The following ZNF597 variants were observed in gnomAD, a reference collection of about 807,000 sequenced individuals.
ZNF597 encodes zinc finger protein 597.
In ZNF597, 5 loss-of-function variants were observed where a neutral mutation model predicts 7.3. The observed-to-expected ratio is 0.68, with a 90% CI of 0.36 to 1.44. ZNF597 has a LOEUF of 1.44. Ranked by LOEUF, ZNF597 falls within the 40% of genes most tolerant of loss-of-function variation. The pLI is 0.04. For missense variants in ZNF597, 585 were observed against 517.9 expected, an observed-to-expected ratio of 1.13 and a Z score of -1.26; for synonymous variants, 209 against 185.4, an observed-to-expected ratio of 1.13 and a Z score of -1.04.
intron 3 of ZNF597, among the ~76,000 whole-genome samples, chr16:3,438,978 T>G (rs144455308): frequency 2.0e-4 from 31 of 152,296 alleles, no homozygotes; most frequent in Middle Eastern, 6.8e-3. Context: ...TTGAGGGGAC[T>G]GAGTTCAGAG....
chr16:3,441,096 G>A (rs940587106), intron 2 of ZNF597, among the ~76,000 whole-genome samples, 163 bp from the exon 3 acceptor site: 15 of 152,224 alleles, frequency 9.9e-5, no homozygotes, highest in Non-Finnish European at 1.6e-4. Flanking sequence ...CTAAGGGGTG[G>A]GGTGAGGGTT....
At chr16:3,441,678 C>T (rs2034373973) in intron 2 of ZNF597, among the ~76,000 whole-genome samples, 1 of 150,678 alleles carries the variant, frequency 6.6e-6, no homozygotes, top group Admixed American at 6.6e-5. Flanking sequence ...AAGAGTAAAA[C>T]TCCGTCTCAA....
intron 2 of ZNF597, among the ~76,000 whole-genome samples, chr16:3,441,715 T>C (rs41471): frequency 0.88 from 134,001 of 151,826 alleles, 59,269 homozygotes; most frequent in African/African-American, 0.95. Flanking sequence ...GCTGAGATCG[T>C]GCCACTGCAC....
intron 1 of ZNF597, 63 bp from the exon 2 acceptor site, chr16:3,443,269 C>CTAGCCTCCCTCGA (rs2034421692): frequency 9.5e-7 from 1 of 1,051,352 alleles, no homozygotes; most frequent in East Asian, 2.6e-5. Context: ...TCCACTACCC[C>CTAGCCTCCCTCGA]TAGCCTCCCT....
chr16:3,440,832 C>T lies in ZNF597; in HGVS notation c.135G>A (p.Glu45=), dbSNP rs1401210253. ...CCATCAAAGCCGCATCCTCCAAAGA[C>T]TCTTTTGTACCATCTTTGCTGAGGG... ...QRSLSKDGTK[E]SLEDAALMGE... The change falls in exon 3 of 4, where the codon GAG becomes GAA. Residue 45 remains glutamate (E), a synonymous_variant. Transcript: ENST00000301744. 2 of 1,614,034 alleles carry T rather than the reference C, an allele frequency of 1.2e-6. No individual in the cohort carries two copies. Among genetic ancestry groups the T allele is most frequent in the Admixed American group, 1.7e-5 (1 of 60,014 alleles).
intron 3 of ZNF597, among the ~76,000 whole-genome samples, chr16:3,438,691 CA>C (rs1291990843): frequency 3.3e-5 from 5 of 152,102 alleles, no homozygotes; most frequent in Non-Finnish European, 7.4e-5. Flanking sequence ...GAGAACTCTC[CA>C]AAATCTCTTT....
chr16:3,443,232 A>C (rs1267916049), intron 1 of ZNF597, 26 bp from the exon 2 acceptor site: 20 of 1,466,470 alleles, frequency 1.4e-5, no homozygotes, highest in African/African-American at 5.6e-5. Context: ...ACAGTTCTTA[A>C]AGGGACCAAT....
rs1421751933 is a variant in ZNF597, at chr16:3,432,546, A to G, written c.*3878T>C. 3 of 152,232 alleles carry G rather than the reference A, an allele frequency of 2.0e-5. No homozygotes were observed. Among genetic ancestry groups the G allele is most frequent in the African/African-American group, 4.8e-5 (2 of 41,462 alleles). The allele number at this position is 152,232 out of a possible 1,614,324, so 9.4% of individuals were successfully genotyped here. On this transcript the variant is annotated 3_prime_UTR_variant, in exon 4 of 4. Transcript: ENST00000301744. ...AAAAGAGTAAGACCCAAAACATTGA[A>G]TAAACAGTATAAGTGTATACAATAA...
intron 3 of ZNF597, among the ~76,000 whole-genome samples, 161 bp downstream of exon 3, chr16:3,440,645 AT>A (rs2032690695): frequency 1.3e-5 from 2 of 151,904 alleles, no homozygotes; most frequent in Non-Finnish European, 2.9e-5. Flanking sequence ...AAAAAAAAAA[AT>A]CATCTCATAT....
chr16:3,432,556 T>A lies in ZNF597; in HGVS notation c.*3868A>T, dbSNP rs1486993032. ...GACCCAAAACATTGAATAAACAGTATAAGTGTATACAATAAATAGAATTCT... is the reference window on the plus strand; with the variant it reads ...GACCCAAAACATTGAATAAACAGTAAAAGTGTATACAATAAATAGAATTCT... On this transcript the variant is annotated 3_prime_UTR_variant, in exon 4 of 4. Transcript: ENST00000301744. 6.6e-6 allele frequency: 1 copy of A among 152,184 alleles called. No homozygotes were observed. Among genetic ancestry groups the A allele is most frequent in the African/African-American group, 2.4e-5 (1 of 41,446 alleles). 9.4% of individuals were successfully genotyped at this position (152,184 alleles called of 1,614,324 possible).
rs1163319873 is a variant in ZNF597, at chr16:3,443,381, C to T, written c.-75G>A. 2.2e-5 allele frequency: 12 copies of T among 554,220 alleles called. No individual in the cohort carries two copies. Among genetic ancestry groups the T allele is most frequent in the Non-Finnish European group, 1.3e-5 (4 of 319,414 alleles). The allele number at this position is 554,220 out of a possible 1,614,324, so 34.3% of individuals were successfully genotyped here. On this transcript the variant is annotated 5_prime_UTR_variant, in exon 1 of 4. Transcript: ENST00000301744. ...TTACCGCTCCGCGGTTAATAACAGGCCTCGCGCTCCCTGACAGGAGCTGCA... is the reference window on the plus strand; with the variant it reads ...TTACCGCTCCGCGGTTAATAACAGGTCTCGCGCTCCCTGACAGGAGCTGCA...
In ZNF597 at chr16:3,437,448, G is replaced by A. The variant is rs1311861208; in HGVS notation, c.251C>T (p.Ala84Val). The A allele has an allele frequency of 1.2e-6, 2 of 1,614,198 alleles. No homozygotes were observed. Among genetic ancestry groups the A allele is most frequent in the Non-Finnish European group, 8.5e-7 (1 of 1,180,042 alleles). The change falls in exon 4 of 4, where the codon GCA (alanine) becomes GTA (valine). Residue 84 changes from alanine (A) to valine (V), a missense_variant. Ala to Val is a moderately conservative substitution (Grantham distance 64). Transcript: ENST00000301744. ...ELALEKYPIA[A>V]PLVPYPEKSS... ...TTTTTCTGGGTAAGGGACAAGGGGT[G>A]CAGCAATGGGGTACTTTTCTAAGGC...
rs757943672 is a variant in ZNF597 at position 3,437,044 on chromosome 16, C to T, written c.655G>A (p.Ala219Thr). ...EKPYKCAKCS[A>T]SFRQHSHLSR... ...AGATGAGAGTGCTGGCGAAAGCTGG[C>T]ACTGCACTTGGCACACTTATAAGGT... The change falls in exon 4 of 4, where the codon GCC becomes ACC. Residue 219 changes from alanine (A) to threonine (T), a missense_variant. Transcript: ENST00000301744. The T allele has an allele frequency of 2.5e-6, 4 of 1,614,024 alleles. No individual in the cohort carries two copies. Among genetic ancestry groups the T allele is most frequent in the Non-Finnish European group, 3.4e-6 (4 of 1,180,016 alleles).
Position 3,443,223 on chromosome 16 carries a change from C to A in ZNF597, c.-53-17G>T. 1 of 1,534,964 alleles carries A rather than the reference C, an allele frequency of 6.5e-7. No homozygotes were observed. Among genetic ancestry groups the A allele is most frequent in the Non-Finnish European group, 8.9e-7 (1 of 1,122,582 alleles). On this transcript the variant is annotated splice_polypyrimidine_tract_variant and intron_variant, in intron 1 of 3. Coordinates refer to ENST00000301744, the MANE Select transcript of ZNF597 (RefSeq NM_152457.3). ...GTGACAAAGCTGCGGGGGGAGAGAA[C>A]AGTTCTTAAAGGGACCAATTCCGCT...
intron 3 of ZNF597, 38 bp downstream of exon 3, chr16:3,440,769 G>A (rs1300888817): frequency 6.2e-7 from 1 of 1,610,314 alleles, no homozygotes; most frequent in Non-Finnish European, 8.5e-7. Context: ...TCCTAGAATT[G>A]ACAAAAGTTC....
chr16:3,440,706 G>T, intron 3 of ZNF597, 101 bp downstream of exon 3: 1 of 1,433,872 alleles, frequency 7.0e-7, no homozygotes, highest in East Asian at 2.3e-5. Context: ...AAATTACTGA[G>T]GGACAGGTCC....
rs2034282350 is a variant in ZNF597 at position 3,434,528 on chromosome 16, G to T, written c.*1896C>A. 6.6e-6 allele frequency: 1 copy of T among 152,174 alleles called. No individual in the cohort carries two copies. The highest frequency in any genetic ancestry group is 2.4e-5 in the African/African-American group (1 of 41,420). The allele number at this position is 152,174 out of a possible 1,614,324, so 9.4% of individuals were successfully genotyped here. The stretch of plus-strand genomic sequence containing the variant: ...ACCTTGACATACAGAGCAGCACATT[G>T]TCTCAACTGTGGATCTGCAAACAAG... On this transcript the variant is annotated 3_prime_UTR_variant, in exon 4 of 4. Coordinates refer to ENST00000301744, the MANE Select transcript of ZNF597 (RefSeq NM_152457.3).
rs1433163015 is a variant in ZNF597 at position 3,433,872 on chromosome 16, GC to G, written c.*2551del. ...ATCATTAACAGTATTATACCAAAAA[GC>G]CATTTTAGTTCTACCCACACGTATG... On this transcript the variant is annotated 3_prime_UTR_variant, in exon 4 of 4. Transcript: ENST00000301744. 1.3e-5 allele frequency: 2 copies of G among 151,962 alleles called. No individual in the cohort carries two copies. Among genetic ancestry groups the G allele is most frequent in the African/African-American group, 2.4e-5 (1 of 41,388 alleles). The allele number at this position is 151,962 out of a possible 1,614,324, so 9.4% of individuals were successfully genotyped here.
chr16:3,437,193 G>C lies in ZNF597; in HGVS notation c.506C>G (p.Ser169Ter), dbSNP rs2034313848. The C allele has an allele frequency of 1.9e-6, 3 of 1,614,212 alleles. No homozygotes were observed. The highest frequency in any genetic ancestry group is 1.7e-6 in the Non-Finnish European group (2 of 1,180,042). Residue 169 changes from serine to a stop codon, truncating the protein, a stop_gained, in exon 4 of 4, where the codon TCA becomes TGA. Coordinates refer to ENST00000301744, the MANE Select transcript of ZNF597 (RefSeq NM_152457.3). LOFTEE classifies it low-confidence loss of function (END_TRUNC). ...AATTTTCTGATGCAAAACTAGGTATGAATGATCGCTGAAGTTTTGGTCACA... is the reference window on the plus strand; with the variant it reads ...AATTTTCTGATGCAAAACTAGGTATCAATGATCGCTGAAGTTTTGGTCACA... ...PECDQNFSDHSYLVLHQKIHS... is the reference protein window; with the variant it reads ...PECDQNFSDH
Sources: gnomAD v4.1 joint callset for allele counts (sites outside exome capture counted in the v4.1 genomes callset) on GRCh38, gnomAD v4.1.1 for gene constraint, MANE v1.5 for transcripts, NCBI Gene and HGNC (gene_info 2026-07-23, HGNC 2026-07-21) for gene names.